NCAM1: variants seen among roughly 807,000 people sequenced by gnomAD.
The protein encoded by NCAM1 is antigen recognized by monoclonal antibody 5.1H11.
Under a neutral mutation model 109.8 loss-of-function variants are expected in NCAM1, and 14 were observed. The observed-to-expected ratio is 0.13, with a 90% CI of 0.08 to 0.20. The LOEUF (loss-of-function observed/expected upper bound fraction) is 0.20, where lower values mean the gene tolerates loss of function less well. NCAM1 is among the 10% of genes least tolerant of loss of function. The pLI is 1.00. For missense variants in NCAM1, 774 were observed against 1,109.9 expected (o/e 0.70, Z 4.30); for synonymous variants, 418 against 442.9 (o/e 0.94, Z 0.70).
intron 1 of NCAM1, among the ~76,000 whole-genome samples, chr11:113,008,322 A>G (rs1395959309): frequency 1.3e-5 from 2 of 152,216 alleles, no homozygotes; most frequent in African/African-American, 2.4e-5. Flanking sequence ...GGCCATTTCT[A>G]TGGCTTTCTT....
At chr11:113,104,732 A>G (rs72995946) in intron 1 of NCAM1, among the ~76,000 whole-genome samples, 1 of 152,168 alleles carries the variant, frequency 6.6e-6, no homozygotes, top group Non-Finnish European at 1.5e-5. Context: ...TCGCTTTGGA[A>G]TAAATTGGGT....
intron 1 of NCAM1, among the ~76,000 whole-genome samples, chr11:113,018,608 C>T (rs17114685): frequency 0.14 from 20,701 of 152,086 alleles, 1,453 homozygotes; most frequent in African/African-American, 0.15. Context: ...CTTGTTCATT[C>T]AGTATGCCCA....
At chr11:113,258,531 G>C (rs1555122688) in intron 16 of NCAM1, among the ~76,000 whole-genome samples, 1 of 152,214 alleles carries the variant, frequency 6.6e-6, no homozygotes, top group African/African-American at 2.4e-5. Context: ...GAGATTGATT[G>C]ATGGAAACAA....
chr11:113,175,641 T>A (rs1191107674), intron 1 of NCAM1, among the ~76,000 whole-genome samples: 1 of 152,270 alleles, frequency 6.6e-6, no homozygotes, highest in East Asian at 1.9e-4. Context: ...TGAGCTTTGC[T>A]TCTTTTCTTC....
chr11:112,964,815 T>C (rs1555064859), intron 1 of NCAM1, among the ~76,000 whole-genome samples: 1 of 152,222 alleles, frequency 6.6e-6, no homozygotes, highest in Admixed American at 6.5e-5. Context: ...TTAGAAATAT[T>C]AATAACTGAT....
At chr11:113,213,570 C>G (rs1944448230) in intron 7 of NCAM1, among the ~76,000 whole-genome samples, 1 of 152,180 alleles carries the variant, frequency 6.6e-6, no homozygotes, top group Non-Finnish European at 1.5e-5. Flanking sequence ...CGTTGAGACT[C>G]CAAGTCACCT....
chr11:112,961,746 T>G, intron 1 of NCAM1, 82 bp downstream of exon 1: 1 of 947,286 alleles, frequency 1.1e-6, no homozygotes, highest in South Asian at 1.5e-5. Flanking sequence ...GCTATTATTT[T>G]GGGTGGTTTT....
chr11:113,253,839 C>T (rs1945764044), intron 15 of NCAM1, among the ~76,000 whole-genome samples: 1 of 152,148 alleles, frequency 6.6e-6, no homozygotes, highest in Non-Finnish European at 1.5e-5. Flanking sequence ...ATAATTTGTT[C>T]ATTTGCAGTA....
At chr11:113,012,749 C>T (rs991709085) in intron 1 of NCAM1, among the ~76,000 whole-genome samples, 3 of 152,158 alleles carry the variant, frequency 2.0e-5, no homozygotes, top group African/African-American at 4.8e-5. Context: ...TGAGTTTAGT[C>T]CCCAAGCACA....
At position 112,962,559 on chromosome 11, in the gene NCAM1, C is replaced by T. The variant is rs1269639353; in HGVS notation, c.52+895C>T. Reference sequence around the variant, plus strand: ...CCTCGCCCTGTCTCCTTTCTTTGGGCGAGGTTCCCGATCCTGGCAAAGTGT... The same window carrying T: ...CCTCGCCCTGTCTCCTTTCTTTGGGTGAGGTTCCCGATCCTGGCAAAGTGT... On this transcript the variant is annotated intron_variant, in intron 1 of 19. Transcript: ENST00000316851. This position sits in a 1 kb window ranked among gnomAD's most constrained non-coding sequence, Gnocchi z 5.6. 6.6e-6 allele frequency among the ~76,000 whole-genome samples: 1 copy of T among 152,012 alleles called. No individual in the cohort carries two copies. The highest frequency in any genetic ancestry group is 1.5e-5 in the Non-Finnish European group (1 of 67,988).
chr11:113,123,115 A>G (rs1480497083), intron 1 of NCAM1, among the ~76,000 whole-genome samples: 1 of 152,204 alleles, frequency 6.6e-6, no homozygotes, highest in African/African-American at 2.4e-5. Flanking sequence ...GGATACAAAC[A>G]TACAGTTAGG....
chr11:113,253,696 A>G (rs1555121807), intron 15 of NCAM1, among the ~76,000 whole-genome samples: 4 of 152,146 alleles, frequency 2.6e-5, no homozygotes, highest in Non-Finnish European at 5.9e-5. Flanking sequence ...GCCTTGGGAG[A>G]AGGACACAGT....
Position 113,273,777 on chromosome 11 carries a change from G to A in NCAM1, c.2457-1490G>A, listed in dbSNP as rs185213740. 2.4e-3 allele frequency: 996 copies of A among 416,568 alleles called. 2 individuals carry two copies. The highest frequency in any genetic ancestry group is 4.1e-3 in the Non-Finnish European group (832 of 203,048). The allele number at this position is 416,568 out of a possible 1,614,324, so 25.8% of individuals were successfully genotyped here. ...CGGCCTCTCTTTGTCTGCTGTCATC[G>A]GGTTGTGTCCTGTGGTGGTGTGCAT... On this transcript the variant is annotated intron_variant, in intron 19 of 19. Transcript: ENST00000316851. This position sits in a 1 kb window ranked among gnomAD's most constrained non-coding sequence, Gnocchi z 6.0.
intron 1 of NCAM1, among the ~76,000 whole-genome samples, chr11:113,017,486 G>A (rs1459708544): frequency 2.6e-5 from 4 of 152,148 alleles, no homozygotes; most frequent in African/African-American, 9.7e-5. Context: ...ATCACAGCCA[G>A]CTTATTTAGC....
intron 1 of NCAM1, among the ~76,000 whole-genome samples, chr11:113,127,793 G>A (rs1268407627): frequency 6.6e-6 from 1 of 152,188 alleles, no homozygotes; most frequent in Non-Finnish European, 1.5e-5. Context: ...AAATAGTCCG[G>A]TGGTTCTCAA....
intron 1 of NCAM1, among the ~76,000 whole-genome samples, chr11:113,149,153 A>G (rs1555101940): frequency 1.1e-4 from 16 of 152,058 alleles, no homozygotes. Context: ...TTTGGGTGGG[A>G]GCCAGTACCT....
chr11:113,224,068 A>T (rs1944763275), intron 9 of NCAM1, among the ~76,000 whole-genome samples: 1 of 152,164 alleles, frequency 6.6e-6, no homozygotes, highest in African/African-American at 2.4e-5. Flanking sequence ...CTCACTGGGG[A>T]CTGTCGGACA....
chr11:113,099,934 G>A (rs374618374), intron 1 of NCAM1, among the ~76,000 whole-genome samples: 14 of 152,214 alleles, frequency 9.2e-5, no homozygotes, highest in East Asian at 1.9e-4. Context: ...TGATCTGCCC[G>A]CCTCGGCCTC....
chr11:113,162,729 CTGTT>C (rs1442923916), intron 1 of NCAM1, among the ~76,000 whole-genome samples: 1 of 152,042 alleles, frequency 6.6e-6, no homozygotes, highest in East Asian at 1.9e-4. Context: ...GGATTCTGCC[CTGTT>C]TGTTCTTCCT....
Sources: allele counts gnomAD v4.1 joint callset (sites outside exome capture counted in the v4.1 genomes callset), GRCh38; gene constraint gnomAD v4.1.1; non-coding constraint Gnocchi (gnomAD v3.1); transcripts MANE v1.5; gene names NCBI Gene and HGNC (gene_info 2026-07-23, HGNC 2026-07-21).